The following TRPV5 variants were observed in gnomAD, a reference collection of about 807,000 sequenced individuals.
TRPV5 encodes calcium transport protein 2.
Under a neutral mutation model 74.1 loss-of-function variants are expected in TRPV5, and 66 were observed. The ratio of observed to expected loss-of-function variants is 0.89; its 90% CI spans 0.73 to 1.09. TRPV5 has a LOEUF of 1.09. Among genes scored for constraint, TRPV5 ranks in the 50% least tolerant of loss-of-function variants. TRPV5 has a pLI of 0.00. For synonymous variants in TRPV5, 399 were observed against 360.7 expected (o/e 1.11, Z -1.20); for missense variants, 936 against 930.4 (o/e 1.01, Z -0.08).
chr7:142,929,402 T>C (rs747331632), intron 4 of TRPV5, 26 bp downstream of exon 4: 2 of 1,606,198 alleles, frequency 1.2e-6, no homozygotes, highest in Non-Finnish European at 1.7e-6. Flanking sequence ...CAGCCAACCA[T>C]CCTTCAAGCC....
In TRPV5 at chr7:142,933,600, ATGCAG is replaced by A; in HGVS notation, c.-146_-142del. 2 of 1,180,114 alleles carry A rather than the reference ATGCAG, an allele frequency of 1.7e-6. No individual in the cohort carries two copies. Among genetic ancestry groups the A allele is most frequent in the Non-Finnish European group, 2.4e-6 (2 of 835,586 alleles). 73.1% of individuals were successfully genotyped at this position (1,180,114 alleles called of 1,614,324 possible). A position where few individuals can be genotyped will look rare whatever the true frequency, so the allele number is the denominator to read the frequency against. ...CTCCTGTATGACTTGTGTATGCAGC[ATGCAG>A]CTTGTAGGTGTGTGTGTGTGCATGC... On this transcript the variant is annotated 5_prime_UTR_variant, in exon 1 of 15. It removes an upstream start codon present in the reference 5' UTR. Coordinates refer to ENST00000265310, the MANE Select transcript of TRPV5 (RefSeq NM_019841.7).
chr7:142,910,228 T>A (rs1287240372), intron 13 of TRPV5, among the ~76,000 whole-genome samples: 1 of 152,208 alleles, frequency 6.6e-6, no homozygotes, highest in East Asian at 1.9e-4. Flanking sequence ...TCTCGCTAGA[T>A]TGGAATGCTG....
intron 1 of TRPV5, among the ~76,000 whole-genome samples, 157 bp from the exon 2 acceptor site, chr7:142,930,603 T>C (rs530521794): frequency 1.3e-5 from 2 of 152,278 alleles, no homozygotes; most frequent in Non-Finnish European, 2.9e-5. Flanking sequence ...TGACCGAGGG[T>C]GGACTTGGGC....
chr7:142,914,798 T>C (rs1181245550), intron 11 of TRPV5, 83 bp downstream of exon 11: 3 of 1,609,614 alleles, frequency 1.9e-6, no homozygotes, highest in Non-Finnish European at 2.5e-6. Flanking sequence ...CCCCCATAGT[T>C]CTACCAGCTC....
In TRPV5 at chr7:142,927,611, G is replaced by A. The variant is rs1048717936; in HGVS notation, c.909+477C>T. 5.3e-5 allele frequency among the ~76,000 whole-genome samples: 8 copies of A among 152,284 alleles called. 1 individual carries two copies. In the South Asian group the frequency reaches 1.7e-3, roughly 32 times the overall value. ...GGAGGAAGAGAGAGCAGGAGGAAGA[G>A]AGAGCAGGGGGAGGTGCCACACACT... On this transcript the variant is annotated intron_variant, in intron 7 of 14. Coordinates refer to ENST00000265310, the MANE Select transcript of TRPV5 (RefSeq NM_019841.7).
Position 142,928,753 on chromosome 7 carries a change from G to T in TRPV5, c.700C>A (p.Leu234Ile). Residue 234 changes from leucine (L) to isoleucine (I), a missense_variant, in exon 6 of 15, where the codon CTT (leucine) becomes ATT (isoleucine). Coordinates refer to ENST00000265310, the MANE Select transcript of TRPV5 (RefSeq NM_019841.7). The part of the protein sequence containing the change: ...GHGDHLQPLD[L>I]VPNHQGLTPF... ...GTGAGACCCTGGTGATTGGGCACAAGGTCCAGGGGCTGCAGGTGGTCCCCA... is the reference window on the plus strand; with the variant it reads ...GTGAGACCCTGGTGATTGGGCACAATGTCCAGGGGCTGCAGGTGGTCCCCA... 1 of 1,614,194 alleles carries T rather than the reference G, an allele frequency of 6.2e-7. No homozygotes were observed. Among genetic ancestry groups the T allele is most frequent in the African/African-American group, 1.3e-5 (1 of 75,050 alleles).
chr7:142,921,882 G>T (rs531144812), intron 8 of TRPV5, among the ~76,000 whole-genome samples: 80 of 152,144 alleles, frequency 5.3e-4, no homozygotes, highest in Non-Finnish European at 1.0e-3. Context: ...CTTTGGTGAG[G>T]TTATTCCTGC....
chr7:142,921,258 A>G (rs1452737028), intron 8 of TRPV5, among the ~76,000 whole-genome samples: 3 of 152,144 alleles, frequency 2.0e-5, no homozygotes, highest in Admixed American at 6.5e-5. Flanking sequence ...TCCCCACTAC[A>G]TTCCTAGGCC....
Position 142,915,004 on chromosome 7 carries a change from C to T in TRPV5, c.1329G>A (p.Arg443=), listed in dbSNP as rs1795768817. Residue 443 remains arginine (R), a synonymous_variant, in exon 11 of 15, where the codon CGG becomes CGA. Coordinates refer to ENST00000265310, the MANE Select transcript of TRPV5 (RefSeq NM_019841.7). ...CCACCTCCCCATTGGTGTTGGTGAG[C>T]CGCATCACCATGGTCACCAGCACCA... is the stretch of plus-strand genomic sequence containing the variant. ...ASLVLVTMVM[R]LTNTNGEVVP... is the part of the protein sequence containing the mutation. 6.2e-7 allele frequency: 1 copy of T among 1,614,012 alleles called. No individual in the cohort carries two copies. The highest frequency in any genetic ancestry group is 8.5e-7 in the Non-Finnish European group (1 of 1,180,036).
At chr7:142,919,905 C>G (rs749026757) in intron 8 of TRPV5, among the ~76,000 whole-genome samples, 2 of 152,180 alleles carry the variant, frequency 1.3e-5, no homozygotes, top group African/African-American at 4.8e-5. Context: ...CAGCTCTAGA[C>G]CTTTTTCCCC....
At chr7:142,910,423 T>C (rs1299836087) in intron 13 of TRPV5, among the ~76,000 whole-genome samples, 1 of 152,230 alleles carries the variant, frequency 6.6e-6, no homozygotes, top group Admixed American at 6.5e-5. Flanking sequence ...CTTAGCATTA[T>C]GTCCAAGTAA....
At chr7:142,917,084 T>G (rs10234523) in intron 8 of TRPV5, among the ~76,000 whole-genome samples, 137,252 of 151,472 alleles carry the variant, frequency 0.91, 62,287 homozygotes, top group East Asian at 0.99. Context: ...TTTTTGTGCG[T>G]TTTTTTTGTT....
At chr7:142,910,749 A>G (rs966634117) in intron 13 of TRPV5, among the ~76,000 whole-genome samples, 5 of 152,220 alleles carry the variant, frequency 3.3e-5, no homozygotes, top group Non-Finnish European at 7.3e-5. Flanking sequence ...TTGCCTTGAA[A>G]GAAATGTTTA....
At position 142,933,654 on chromosome 7, in the gene TRPV5, G is replaced by T; in HGVS notation, c.-195C>A. 1 of 670,968 alleles carries T rather than the reference G, an allele frequency of 1.5e-6. No individual in the cohort carries two copies. Among genetic ancestry groups the T allele is most frequent in the Non-Finnish European group, 2.5e-6 (1 of 399,366 alleles). 41.6% of individuals were successfully genotyped at this position (670,968 alleles called of 1,614,324 possible). On this transcript the variant is annotated 5_prime_UTR_variant, in exon 1 of 15. Coordinates refer to ENST00000265310, the MANE Select transcript of TRPV5 (RefSeq NM_019841.7). ...GCAGTATGTGGGTTGTGGGGTGTGC[G>T]TGTATGCACAGTGTGTGGCTGTGGT... is the stretch of plus-strand genomic sequence containing the variant.
At chr7:142,914,304 T>C (rs905083227) in intron 12 of TRPV5, among the ~76,000 whole-genome samples, 8 of 152,152 alleles carry the variant, frequency 5.3e-5, no homozygotes, top group Non-Finnish European at 1.2e-4. Context: ...TTTTCTGAGA[T>C]CCATGACTGG....
At chr7:142,929,969 A>C in intron 3 of TRPV5, 89 bp downstream of exon 3, 7 of 1,594,644 alleles carry the variant, frequency 4.4e-6, no homozygotes, top group Non-Finnish European at 6.0e-6. Context: ...ACCCCACCCC[A>C]ACCCATCCTT....
chr7:142,920,565 C>G lies in TRPV5; in HGVS notation c.1122+4964G>C, dbSNP rs4252458. ...GAGAAGACTGGGACCTAGCACATCA[C>G]TCTGGAGGGAGAAATGGCCTTGTCT... On this transcript the variant is annotated intron_variant, in intron 8 of 14. Coordinates refer to ENST00000265310, the MANE Select transcript of TRPV5 (RefSeq NM_019841.7). 4.2e-3 allele frequency among the ~76,000 whole-genome samples: 639 copies of G among 152,286 alleles called. 4 individuals carry two copies. Among genetic ancestry groups the G allele is most frequent in the African/African-American group, 0.014 (599 of 41,562 alleles).
At chr7:142,931,402 T>C (rs1796094855) in intron 1 of TRPV5, among the ~76,000 whole-genome samples, 1 of 152,142 alleles carries the variant, frequency 6.6e-6, no homozygotes, top group Non-Finnish European at 1.5e-5. Flanking sequence ...ATTATACCCT[T>C]AGATGCAAAG....
At position 142,909,479 on chromosome 7, in the gene TRPV5, C is replaced by T; in HGVS notation, c.1895+11G>A. The T allele has an allele frequency of 6.2e-7, 1 of 1,613,590 alleles. No individual in the cohort carries two copies. Among genetic ancestry groups the T allele is most frequent in the Non-Finnish European group, 8.5e-7 (1 of 1,179,928 alleles). On this transcript the variant is annotated intron_variant, in intron 14 of 14. Coordinates refer to ENST00000265310, the MANE Select transcript of TRPV5 (RefSeq NM_019841.7). ...ACATCTGCAGTTTTGCATGTGCACA[C>T]CATCACTCACCGCAGGAACCAGCGG...
Sources: gnomAD v4.1 joint callset for allele counts (sites outside exome capture counted in the v4.1 genomes callset) on GRCh38, gnomAD v4.1.1 for gene constraint, MANE v1.5 for transcripts, NCBI Gene and HGNC (gene_info 2026-07-23, HGNC 2026-07-21) for gene names.